WDPCP: variants seen among roughly 807,000 people sequenced by gnomAD.
The protein encoded by WDPCP is WD repeat-containing and planar cell polarity effector protein fritz homolog.
WDPCP carries 71 observed loss-of-function variants against 93.1 expected under a neutral mutation model. The ratio of observed to expected loss-of-function variants is 0.76; its 90% CI spans 0.63 to 0.93. WDPCP has a LOEUF of 0.93. Among genes scored for constraint, WDPCP ranks in the 40% least tolerant of loss-of-function variants. WDPCP has a pLI of 0.00. For missense variants in WDPCP, 844 were observed against 887.4 expected (o/e 0.95, Z 0.62); for synonymous variants, 315 against 315.0 (o/e 1.00, Z 0.00).
At chr2:63,179,122 C>A (rs1348646101) in intron 14 of WDPCP, among the ~76,000 whole-genome samples, 1 of 150,630 alleles carries the variant, frequency 6.6e-6, no homozygotes, top group Non-Finnish European at 1.5e-5. Flanking sequence ...AATCGCTTGA[C>A]CAGGGAAATG....
rs758053034 is a variant in WDPCP, at chr2:63,378,388, G to A, written c.1746C>T (p.Leu582=). 1 of 1,612,908 alleles carries A rather than the reference G, an allele frequency of 6.2e-7. No homozygotes were observed. Among genetic ancestry groups the A allele is most frequent in the Non-Finnish European group, 8.5e-7 (1 of 1,179,288 alleles). Reference sequence around the variant, plus strand: ...ATCAATCCAAACATATCATTCACCTGAGCAAGTGATGGAAGAATCTCCTTG... The same window carrying A: ...ATCAATCCAAACATATCATTCACCTAAGCAAGTGATGGAAGAATCTCCTTG... ...KYARRFFHHL[L]RYQRFEKAFL... The change falls in exon 12 of 18, where the codon CTC becomes CTT. Residue 582 remains leucine, a splice_region_variant and synonymous_variant. Coordinates refer to ENST00000272321, the MANE Select transcript of WDPCP (RefSeq NM_015910.7).
chr2:63,386,091 T>TA (rs1304943991), intron 10 of WDPCP, among the ~76,000 whole-genome samples: 1 of 152,044 alleles, frequency 6.6e-6, no homozygotes, highest in African/African-American at 2.4e-5. Flanking sequence ...ACCATCAACC[T>TA]AAATGTAAGA....
intron 2 of WDPCP, among the ~76,000 whole-genome samples, chr2:63,678,854 G>C (rs1710456295): frequency 6.6e-6 from 1 of 152,230 alleles, no homozygotes; most frequent in Admixed American, 6.5e-5. Flanking sequence ...ATCTAAGAGA[G>C]TCAGCATAGT....
chr2:63,579,292 A>T (rs1708330757), intron 1 of WDPCP, among the ~76,000 whole-genome samples: 1 of 152,196 alleles, frequency 6.6e-6, no homozygotes, highest in African/African-American at 2.4e-5. Flanking sequence ...ATTTCCTCTT[A>T]TTAAGTCATG....
intron 1 of WDPCP, among the ~76,000 whole-genome samples, chr2:63,535,182 C>G: frequency 6.6e-6 from 1 of 152,132 alleles, no homozygotes; most frequent in Admixed American, 6.5e-5. Context: ...TCAAGGAGAA[C>G]TACAAACCAC....
intron 2 of WDPCP, among the ~76,000 whole-genome samples, chr2:63,739,705 T>C (rs945563647): frequency 1.1e-4 from 16 of 152,056 alleles, no homozygotes; most frequent in Non-Finnish European, 1.5e-5. Flanking sequence ...CAACAGTGTA[T>C]GTGTTCCCTT....
intron 2 of WDPCP, among the ~76,000 whole-genome samples, chr2:63,685,517 C>T (rs539892017): frequency 9.2e-5 from 14 of 152,212 alleles, no homozygotes; most frequent in South Asian, 8.3e-4. Context: ...CTGAATTCTA[C>T]GAAACATTTA....
In WDPCP at chr2:63,157,208, C is replaced by T. The variant is rs1365371340; in HGVS notation, c.2079-3634G>A. On this transcript the variant is annotated intron_variant, in intron 15 of 17. Transcript: ENST00000272321. ...AAGCTGTGCATTCCCAAGGTAAATC[C>T]CACTTAATTCTAGTATACTATTATT... Among the ~76,000 whole-genome samples, 5 of 151,718 alleles carry T rather than the reference C, an allele frequency of 3.3e-5. No individual in the cohort carries two copies. In the South Asian group the frequency reaches 8.3e-4, roughly 25 times the overall value.
chr2:63,744,328 T>C (rs1669763983), intron 2 of WDPCP, among the ~76,000 whole-genome samples: 1 of 152,142 alleles, frequency 6.6e-6, no homozygotes, highest in African/African-American at 2.4e-5. Flanking sequence ...TATGCTGGCC[T>C]TTGGTTCAGA....
At chr2:63,423,688 G>T (rs1161796258) in intron 9 of WDPCP, among the ~76,000 whole-genome samples, 1 of 152,160 alleles carries the variant, frequency 6.6e-6, no homozygotes, top group South Asian at 2.1e-4. Context: ...TTGCCATCAC[G>T]TGATTGATAC....
At chr2:63,514,685 G>T (rs544506398) in intron 1 of WDPCP, among the ~76,000 whole-genome samples, 2 of 152,068 alleles carry the variant, frequency 1.3e-5, no homozygotes, top group Non-Finnish European at 2.9e-5. Context: ...CTAGATAGAC[G>T]TTAAACACCT....
chr2:63,565,075 C>G (rs954844755), intron 1 of WDPCP, among the ~76,000 whole-genome samples: 1 of 152,046 alleles, frequency 6.6e-6, no homozygotes, highest in Non-Finnish European at 1.5e-5. Context: ...GGCACCTGGC[C>G]AAAACTGCAC....
rs112896324 is a variant in WDPCP, at chr2:63,165,494, A to G, written c.2078+9176T>C. On this transcript the variant is annotated intron_variant, in intron 15 of 17. Transcript: ENST00000272321. ...GTGGAAAAGTTTTTCTTTATTTTCA[A>G]TGCTTTGGAATAATTTATAGAGCAT... Among the ~76,000 whole-genome samples the G allele has an allele frequency of 5.2e-4, 79 of 151,834 alleles. 1 individual carries two copies. Among genetic ancestry groups the G allele is most frequent in the Non-Finnish European group, 1.8e-4 (12 of 67,916 alleles).
At chr2:63,810,622 G>A (rs574104984) in intron 2 of WDPCP, among the ~76,000 whole-genome samples, 7 of 152,304 alleles carry the variant, frequency 4.6e-5, no homozygotes, top group African/African-American at 1.7e-4. Context: ...CAAGGTGGGG[G>A]TAACCAGAAA....
At chr2:63,328,336 C>T (rs948206139) in intron 12 of WDPCP, among the ~76,000 whole-genome samples, 2 of 152,104 alleles carry the variant, frequency 1.3e-5, no homozygotes, top group East Asian at 1.9e-4. Flanking sequence ...TTTGTTCTTT[C>T]GCTCTTCACA....
In WDPCP at chr2:63,679,364, G is replaced by C. The variant is rs1321049950; in HGVS notation, n.309-28526C>G. 1.3e-5 allele frequency among the ~76,000 whole-genome samples: 2 copies of C among 152,050 alleles called. 1 individual carries two copies. The highest frequency in any genetic ancestry group is 3.9e-4 in the East Asian group (2 of 5,174). ...TGGAGAATTAGAATGACTACACTATGAACATGACACACGGAGCTGTCAGTA... is the reference window on the plus strand; with the variant it reads ...TGGAGAATTAGAATGACTACACTATCAACATGACACACGGAGCTGTCAGTA... On this transcript the variant is annotated intron_variant and non_coding_transcript_variant, in intron 2 of 4. Coordinates refer to the WDPCP transcript ENST00000467687.
At chr2:63,708,391 T>C (rs958560033) in intron 2 of WDPCP, among the ~76,000 whole-genome samples, 1 of 152,064 alleles carries the variant, frequency 6.6e-6, no homozygotes, top group Non-Finnish European at 1.5e-5. Flanking sequence ...GTGCTAGCAA[T>C]GAGCAAGGCT....
At chr2:63,374,828 C>T (rs1691714396) in intron 12 of WDPCP, among the ~76,000 whole-genome samples, 1 of 105,064 alleles carries the variant, frequency 9.5e-6, no homozygotes, top group Non-Finnish European at 2.1e-5. Context: ...CACATATTTA[C>T]CTATCTCTCT....
chr2:63,398,688 T>C (rs1408660954), intron 10 of WDPCP, among the ~76,000 whole-genome samples: 1 of 152,114 alleles, frequency 6.6e-6, no homozygotes, highest in Non-Finnish European at 1.5e-5. Context: ...CTACGACCCA[T>C]GATCTATCTT....
Sources: allele counts gnomAD v4.1 joint callset (sites outside exome capture counted in the v4.1 genomes callset), GRCh38; gene constraint gnomAD v4.1.1; transcripts MANE v1.5; gene names NCBI Gene and HGNC (gene_info 2026-07-23, HGNC 2026-07-21).